SOX5: variants seen among roughly 807,000 people sequenced by gnomAD.
SOX5 encodes the protein transcription factor SOX-5.
Under a neutral mutation model 92.0 loss-of-function variants are expected in SOX5, and 9 were observed. The ratio of observed to expected loss-of-function variants is 0.10; its 90% confidence interval spans 0.06 to 0.17. The LOEUF is 0.17. Ranked by LOEUF, SOX5 falls within the 10% of genes least tolerant of loss-of-function variation. The pLI, the probability that SOX5 is intolerant of heterozygous loss-of-function variation, is 1.00. For synonymous variants in SOX5, 344 were observed against 336.3 expected, an observed-to-expected ratio of 1.02 and a Z score of -0.25; for missense variants, 642 against 944.5, an observed-to-expected ratio of 0.68 and a Z score of 4.20.
chr12:23,552,056 C>T (rs1944318530), intron 11 of SOX5, among the ~76,000 whole-genome samples: 1 of 151,842 alleles, frequency 6.6e-6, no homozygotes, highest in Admixed American at 6.6e-5. Context: ...AGGTGAATAA[C>T]TTTTCAATAT....
intron 2 of SOX5, among the ~76,000 whole-genome samples, chr12:23,865,646 G>A (rs571778609): frequency 7.9e-5 from 12 of 152,106 alleles, no homozygotes; most frequent in African/African-American, 2.4e-5. Flanking sequence ...CTGCATTCCC[G>A]CCTGGGTGAC....
At chr12:23,608,431 T>G (rs897600496) in intron 8 of SOX5, among the ~76,000 whole-genome samples, 1 of 152,220 alleles carries the variant, frequency 6.6e-6, no homozygotes, top group Non-Finnish European at 1.5e-5. Flanking sequence ...GATTACTTCG[T>G]GTCTTCCTGG....
intron 2 of SOX5, among the ~76,000 whole-genome samples, chr12:24,314,612 C>T (rs1949531075): frequency 6.6e-6 from 1 of 152,148 alleles, no homozygotes. Context: ...TCAACGCTTC[C>T]CATCTCATTC....
chr12:23,945,737 T>C (rs1289819008), intron 1 of SOX5, among the ~76,000 whole-genome samples: 4 of 152,180 alleles, frequency 2.6e-5, no homozygotes, highest in African/African-American at 9.6e-5. Flanking sequence ...CAGTTGCCAT[T>C]AGGTGACAGA....
chr12:23,999,717 A>G (rs1951413296), intron 4 of SOX5, among the ~76,000 whole-genome samples: 1 of 152,048 alleles, frequency 6.6e-6, no homozygotes, highest in Non-Finnish European at 1.5e-5. Flanking sequence ...ATACTATACA[A>G]TAATCAAAGT....
intron 3 of SOX5, among the ~76,000 whole-genome samples, chr12:23,819,265 C>T (rs1010374569): frequency 6.6e-6 from 1 of 152,084 alleles, no homozygotes; most frequent in Non-Finnish European, 1.5e-5. Flanking sequence ...TTTTTTAGTT[C>T]TATTACAATT....
At chr12:24,368,901 T>C (rs1016513581) in intron 1 of SOX5, among the ~76,000 whole-genome samples, 9 of 152,218 alleles carry the variant, frequency 5.9e-5, no homozygotes, top group African/African-American at 2.2e-4. Flanking sequence ...TCAGTTTTGG[T>C]GGAAGCAACC....
At chr12:23,919,108 T>C (rs7973218) in intron 1 of SOX5, among the ~76,000 whole-genome samples, 15,559 of 152,114 alleles carry the variant, frequency 0.1, 1,480 homozygotes, top group East Asian at 0.47. Context: ...AGCAAATGCC[T>C]GCATTGTGCA....
chr12:24,491,873 G>GGTTTT (rs1394475167), intron 1 of SOX5, among the ~76,000 whole-genome samples: 2 of 151,580 alleles, frequency 1.3e-5, no homozygotes, highest in South Asian at 2.1e-4. Flanking sequence ...TTGTTTTTTT[G>GGTTTT]GTTTTGTTTT....
intron 4 of SOX5, among the ~76,000 whole-genome samples, chr12:24,130,120 G>C (rs1949507510): frequency 6.6e-6 from 1 of 152,134 alleles, no homozygotes; most frequent in African/African-American, 2.4e-5. Context: ...GTGTGAGAGG[G>C]AACTACAGGA....
At chr12:24,405,942 C>T (rs1192518618) in intron 1 of SOX5, among the ~76,000 whole-genome samples, 3 of 152,082 alleles carry the variant, frequency 2.0e-5, no homozygotes, top group African/African-American at 7.2e-5. Flanking sequence ...AAAGGGCTAC[C>T]TTTTCCATAG....
intron 1 of SOX5, among the ~76,000 whole-genome samples, chr12:23,907,123 C>G (rs961250787): frequency 6.6e-6 from 1 of 152,006 alleles, no homozygotes; most frequent in African/African-American, 2.4e-5. Flanking sequence ...ATAAACCTGT[C>G]AGGCCTAAGT....
chr12:23,934,693 T>G lies in SOX5; in HGVS notation c.38+14871A>C, dbSNP rs560405086. 2.0e-4 allele frequency among the ~76,000 whole-genome samples: 31 copies of G among 151,324 alleles called. No homozygotes were observed. In the South Asian group the frequency reaches 6.2e-3, roughly 30 times the overall value. On this transcript the variant is annotated intron_variant, in intron 1 of 14. Coordinates refer to ENST00000451604, the MANE Select transcript of SOX5 (RefSeq NM_006940.6). ...ATATTATATGGAGTATTCTTAGAAC[T>G]CTTTCTACATGATTAACATCTGTTA...
intron 11 of SOX5, among the ~76,000 whole-genome samples, chr12:23,557,933 G>A (rs1422479646): frequency 7.0e-6 from 1 of 142,256 alleles, no homozygotes; most frequent in Non-Finnish European, 1.5e-5. Context: ...CCAGGATCGC[G>A]CCATTGCACT....
At chr12:24,320,871 A>AAAAAATAAT (rs1212859434) in intron 2 of SOX5, among the ~76,000 whole-genome samples, 1 of 148,224 alleles carries the variant, frequency 6.7e-6, no homozygotes, top group African/African-American at 2.5e-5. Context: ...TCTCAAAAAA[A>AAAAAATAAT]AATAATAATA....
chr12:24,068,351 G>C (rs1184294988), intron 4 of SOX5, among the ~76,000 whole-genome samples: 1 of 152,016 alleles, frequency 6.6e-6, no homozygotes, highest in African/African-American at 2.4e-5. Context: ...AAAGAAATCT[G>C]AAACCTTTGG....
intron 1 of SOX5, among the ~76,000 whole-genome samples, chr12:24,455,893 A>G (rs1223304274): frequency 2.6e-5 from 4 of 152,124 alleles, no homozygotes; most frequent in Non-Finnish European, 5.9e-5. Flanking sequence ...AGGAGTAGAG[A>G]GGCCCAGTAT....
intron 4 of SOX5, among the ~76,000 whole-genome samples, chr12:24,138,540 C>T (rs1950297391): frequency 1.3e-5 from 2 of 152,278 alleles, no homozygotes; most frequent in South Asian, 4.1e-4. Context: ...AACATCAGAT[C>T]TAGAGAACAG....
Position 24,278,100 on chromosome 12 carries a change from G to A in SOX5, c.-173-788C>T, listed in dbSNP as rs562923254. The stretch of plus-strand genomic sequence containing the variant: ...CGGTAGGAGCCACAGCCTTGATTCT[G>A]GCTCAGTCGCTCCGCTATTAGTCCA... On this transcript the variant is annotated intron_variant, in intron 2 of 4. Coordinates refer to the SOX5 transcript ENST00000446891. 3.5e-4 allele frequency among the ~76,000 whole-genome samples: 53 copies of A among 152,238 alleles called. 1 individual carries two copies. The highest frequency in any genetic ancestry group is 1.2e-3 in the African/African-American group (51 of 41,548).
Sources: gnomAD v4.1 joint callset for allele counts (sites outside exome capture counted in the v4.1 genomes callset) on GRCh38, gnomAD v4.1.1 for gene constraint, MANE v1.5 for transcripts, NCBI Gene and HGNC (gene_info 2026-07-23, HGNC 2026-07-21) for gene names.